The following SCN3A variants were observed in gnomAD, a reference collection of about 807,000 sequenced individuals.
SCN3A encodes sodium channel protein type 3 subunit alpha.
SCN3A carries 60 observed loss-of-function variants against 187.6 expected under a neutral mutation model. The ratio of observed to expected loss-of-function variants is 0.32; its 90% CI spans 0.26 to 0.40. SCN3A has a LOEUF of 0.40. SCN3A is among the 10% of genes least tolerant of loss of function. SCN3A has a pLI of 1.00. For missense variants in SCN3A, 1,601 were observed against 2,428.2 expected (o/e 0.66, Z 7.16); for synonymous variants, 788 against 829.2 (o/e 0.95, Z 0.85).
chr2:165,158,968 C>CAGTT (rs1689210953), intron 9 of SCN3A, among the ~76,000 whole-genome samples: 1 of 137,776 alleles, frequency 7.3e-6, no homozygotes, highest in African/African-American at 2.9e-5. Flanking sequence ...CCTAGAAGTG[C>CAGTT]AGTTGTTGGA....
chr2:165,095,593 A>T lies in SCN3A; in HGVS notation c.4349T>A (p.Ile1450Asn). The T allele has an allele frequency of 6.4e-7, 1 of 1,564,630 alleles. No individual in the cohort carries two copies. Among genetic ancestry groups the T allele is most frequent in the Non-Finnish European group, 8.8e-7 (1 of 1,135,278 alleles). Reference sequence around the variant, plus strand: ...GAAGAATGACCCAAAGATGATAAAGATGACAAAGTATAAATACATGTACAG... The same window carrying T: ...GAAGAATGACCCAAAGATGATAAAGTTGACAAAGTATAAATACATGTACAG... ...ENLYMYLYFV[I>N]FIIFGSFFTL... Residue 1450 changes from isoleucine (I) to asparagine (N), a missense_variant, in exon 25 of 28, where the codon ATC becomes AAC. Physicochemically the swap from Ile to Asn is moderately radical, Grantham distance 149. This residue lies in a region of SCN3A where 320 missense variants were observed against 623.2 expected (regional missense o/e 0.51). Coordinates refer to ENST00000283254, the MANE Select transcript of SCN3A (RefSeq NM_006922.4).
intron 18 of SCN3A, among the ~76,000 whole-genome samples, chr2:165,117,968 C>T (rs1686453427): frequency 6.6e-6 from 1 of 152,112 alleles, no homozygotes; most frequent in South Asian, 2.1e-4. Context: ...ATGTTTAATA[C>T]AAATACATAC....
At chr2:165,143,412 A>T (rs915250075) in intron 12 of SCN3A, among the ~76,000 whole-genome samples, 1 of 152,120 alleles carries the variant, frequency 6.6e-6, no homozygotes, top group Non-Finnish European at 1.5e-5. Flanking sequence ...TAATTTGGAT[A>T]TTTTTATGTC....
At chr2:165,144,428 C>T (rs1346288268) in intron 12 of SCN3A, among the ~76,000 whole-genome samples, 1 of 152,160 alleles carries the variant, frequency 6.6e-6, no homozygotes, top group African/African-American at 2.4e-5. Context: ...CACTGGCCAT[C>T]AGCTAAGCTC....
chr2:165,130,785 T>C (rs941454679), intron 16 of SCN3A, among the ~76,000 whole-genome samples: 1 of 152,136 alleles, frequency 6.6e-6, no homozygotes, highest in Non-Finnish European at 1.5e-5. Flanking sequence ...TTTTACATAT[T>C]TCTCAATAAA....
At position 165,156,909 on chromosome 2, in the gene SCN3A, CTTTTT is replaced by C. The variant is rs549996344; in HGVS notation, c.1032-1011_1032-1007del. 6.1e-3 allele frequency among the ~76,000 whole-genome samples: 921 copies of C among 150,778 alleles called. 17 individuals carry two copies. Among genetic ancestry groups the C allele is most frequent in the African/African-American group, 0.02 (833 of 41,158 alleles). ...TTATTCAGATTTCATCAGTTTTTTTCTTTTTTTTTGTTTTGTTTTGAGATGTAGTC... is the reference window on the plus strand; with the variant it reads ...TTATTCAGATTTCATCAGTTTTTTTCTTTTGTTTTGTTTTGAGATGTAGTC... On this transcript the variant is annotated intron_variant, in intron 9 of 27. Coordinates refer to ENST00000283254, the MANE Select transcript of SCN3A (RefSeq NM_006922.4).
intron 16 of SCN3A, 21 bp downstream of exon 16, chr2:165,131,223 G>C (rs747643640): frequency 1.3e-6 from 2 of 1,491,812 alleles, no homozygotes; most frequent in Non-Finnish European, 1.8e-6. Flanking sequence ...ATGAGCGACA[G>C]GGATATATAT....
chr2:165,153,229 A>G (rs1688800509), intron 11 of SCN3A, among the ~76,000 whole-genome samples: 1 of 152,260 alleles, frequency 6.6e-6, no homozygotes, highest in Admixed American at 6.5e-5. Context: ...CAGTTGGAAT[A>G]ATTAGATACT....
intron 18 of SCN3A, among the ~76,000 whole-genome samples, chr2:165,118,451 T>A (rs777470121): frequency 1.2e-4 from 19 of 152,220 alleles, no homozygotes; most frequent in Admixed American, 2.6e-4. Context: ...AGGACTCTTA[T>A]GAACCAAAGC....
At chr2:165,172,585 C>T (rs1690173675) in intron 3 of SCN3A, among the ~76,000 whole-genome samples, 1 of 152,152 alleles carries the variant, frequency 6.6e-6, no homozygotes, top group Admixed American at 6.6e-5. Context: ...ATTTAAGGTT[C>T]AGGTACTCAT....
chr2:165,138,072 A>G lies in SCN3A; in HGVS notation c.2198T>C (p.Phe733Ser). 1 of 1,613,610 alleles carries G rather than the reference A, an allele frequency of 6.2e-7. No individual in the cohort carries two copies. Among genetic ancestry groups the G allele is most frequent in the South Asian group, 1.1e-5 (1 of 91,076 alleles). Residue 733 changes from phenylalanine to serine, a missense_variant, in exon 15 of 28, where the codon TTT (phenylalanine) becomes TCT (serine). Coordinates refer to ENST00000283254, the MANE Select transcript of SCN3A (RefSeq NM_006922.4). ...GTCCCAGATCAAGAACACATTGGCA[A>G]ATCTATACCAGCATGGCGGACATTT... ...RQKCPPCWYR[F>S]ANVFLIWDCC...
chr2:165,131,999 C>G (rs1452498875), intron 15 of SCN3A, among the ~76,000 whole-genome samples: 1 of 151,992 alleles, frequency 6.6e-6, no homozygotes, highest in Non-Finnish European at 1.5e-5. Context: ...TCCAGTCTAT[C>G]ATTGTTGGAC....
rs375050462 is a variant in SCN3A, at chr2:165,100,376, C to T, written c.3892G>A (p.Gly1298Ser). 9.3e-6 allele frequency: 15 copies of T among 1,613,726 alleles called. No homozygotes were observed. Among genetic ancestry groups the T allele is most frequent in the Admixed American group, 1.7e-5 (1 of 59,998 alleles). Residue 1298 changes from glycine (G) to serine (S), a missense_variant, in exon 22 of 28, where the codon GGT becomes AGT. Gly to Ser is a moderately conservative substitution (Grantham distance 56, BLOSUM62 0). Around this residue, in one of 11 missense-constraint regions of SCN3A, gnomAD observed 320 missense variants for 623.2 expected, o/e 0.51. Coordinates refer to ENST00000283254, the MANE Select transcript of SCN3A (RefSeq NM_006922.4). The part of the protein sequence containing the change: ...VANALGYSEL[G>S]AIKSLRTLRA... ...AATGTCCGTAATGATTTGATGGCACCGAGTTCTGAGTAGCCAAGAGCATTG... is the reference window on the plus strand; with the variant it reads ...AATGTCCGTAATGATTTGATGGCACTGAGTTCTGAGTAGCCAAGAGCATTG...
chr2:165,106,291 T>C (rs1347398743), intron 21 of SCN3A, among the ~76,000 whole-genome samples: 3 of 152,222 alleles, frequency 2.0e-5, no homozygotes, highest in Admixed American at 2.0e-4. Context: ...GAATTCTTAA[T>C]TTGGCAATTT....
At chr2:165,165,163 T>C (rs1374643546) in intron 5 of SCN3A, among the ~76,000 whole-genome samples, 1 of 152,108 alleles carries the variant, frequency 6.6e-6, no homozygotes, top group African/African-American at 2.4e-5. Flanking sequence ...TTTTTTTCAA[T>C]TTTTAAGAAT....
intron 9 of SCN3A, among the ~76,000 whole-genome samples, chr2:165,161,173 G>T: frequency 9.8e-6 from 1 of 101,680 alleles, no homozygotes; most frequent in Non-Finnish European, 2.2e-5. Flanking sequence ...GTTTTGTAGA[G>T]GTAGGGTCTT....
chr2:165,139,380 TC>T, intron 14 of SCN3A, 95 bp downstream of exon 14: 1 of 1,545,986 alleles, frequency 6.5e-7, no homozygotes. Context: ...ATAGTTTCGA[TC>T]TGGGTAACAG....
At chr2:165,170,402 A>G (rs1451692937) in intron 4 of SCN3A, 28 bp downstream of exon 4, 3 of 1,227,582 alleles carry the variant, frequency 2.4e-6, no homozygotes, top group African/African-American at 3.0e-5. Flanking sequence ...TAGAAATAGC[A>G]TTTAGGCAAT....
intron 2 of SCN3A, among the ~76,000 whole-genome samples, chr2:165,181,479 C>T (rs1354081803): frequency 1.3e-5 from 2 of 152,076 alleles, no homozygotes; most frequent in African/African-American, 4.8e-5. Context: ...ATCCAAAAAT[C>T]GCATTTGTTA....
Sources: gnomAD v4.1 joint callset for allele counts (sites outside exome capture counted in the v4.1 genomes callset) on GRCh38, gnomAD v4.1.1 for gene constraint, gnomAD v4.1.1 regional missense constraint, MANE v1.5 for transcripts, NCBI Gene and HGNC (gene_info 2026-07-23, HGNC 2026-07-21) for gene names.